Variants in BCAS1 observed in about 807,000 individuals in gnomAD.
BCAS1 encodes breast carcinoma-amplified sequence 1.
A neutral mutation model predicts 65.4 loss-of-function variants in BCAS1; 46 were observed. That is an observed-to-expected ratio of 0.70 (90% CI 0.55 to 0.90). The LOEUF is 0.90. BCAS1 is among the 40% of genes least tolerant of loss of function. The pLI, the probability that BCAS1 is intolerant of heterozygous loss-of-function variation, is 0.00. For missense variants in BCAS1, 793 were observed against 771.2 expected, an observed-to-expected ratio of 1.03 and a Z score of -0.33; for synonymous variants, 298 against 293.5, an observed-to-expected ratio of 1.02 and a Z score of -0.16.
At chr20:53,976,728 G>A (rs1042062842) in intron 8 of BCAS1, among the ~76,000 whole-genome samples, 1 of 152,150 alleles carries the variant, frequency 6.6e-6, no homozygotes, top group Non-Finnish European at 1.5e-5. Context: ...TTCGGCAATC[G>A]TGTGAATTCC....
chr20:53,957,307 T>C, intron 11 of BCAS1, 125 bp downstream of exon 11: 1 of 824,546 alleles, frequency 1.2e-6, no homozygotes, highest in Middle Eastern at 2.3e-4. Flanking sequence ...TGGCATATAG[T>C]AGGTGCTTAA....
intron 8 of BCAS1, among the ~76,000 whole-genome samples, chr20:53,980,065 G>C (rs974059957): frequency 1.3e-5 from 2 of 152,082 alleles, no homozygotes; most frequent in Non-Finnish European, 2.9e-5. Flanking sequence ...TGGTGTAGGG[G>C]ACAATGTGGG....
intron 8 of BCAS1, among the ~76,000 whole-genome samples, chr20:53,984,087 T>A (rs62207381): frequency 0.19 from 29,377 of 152,162 alleles, 3,544 homozygotes; most frequent in South Asian, 0.27. Context: ...CATACGTTAA[T>A]CTCAAATTTA....
intron 3 of BCAS1, among the ~76,000 whole-genome samples, chr20:54,054,177 T>A (rs1364129185): frequency 1.3e-5 from 2 of 152,154 alleles, no homozygotes; most frequent in Non-Finnish European, 2.9e-5. Context: ...AATTACCTCC[T>A]ACTGGGTCCC....
intron 3 of BCAS1, among the ~76,000 whole-genome samples, chr20:54,051,298 A>G (rs1247695269): frequency 1.3e-5 from 2 of 152,204 alleles, no homozygotes; most frequent in African/African-American, 4.8e-5. Context: ...TTTGCATGTG[A>G]ACAAAACAGG....
At chr20:54,024,168 T>C (rs2091621564) in intron 4 of BCAS1, among the ~76,000 whole-genome samples, 1 of 152,174 alleles carries the variant, frequency 6.6e-6, no homozygotes, top group African/African-American at 2.4e-5. Flanking sequence ...ACACAGCCAG[T>C]AGGTGACAGA....
At chr20:54,001,168 A>T (rs2091046395) in intron 4 of BCAS1, among the ~76,000 whole-genome samples, 1 of 152,214 alleles carries the variant, frequency 6.6e-6, no homozygotes, top group African/African-American at 2.4e-5. Context: ...TTTGTTCGTG[A>T]AACTGACTTT....
intron 8 of BCAS1, among the ~76,000 whole-genome samples, chr20:53,979,296 C>T (rs1309318931): frequency 1.3e-5 from 2 of 152,156 alleles, no homozygotes; most frequent in Admixed American, 1.3e-4. Flanking sequence ...CCAGAATCAG[C>T]AACCTCCAGG....
chr20:54,032,682 C>A (rs1485299930), intron 3 of BCAS1, among the ~76,000 whole-genome samples: 1 of 150,954 alleles, frequency 6.6e-6, no homozygotes, highest in African/African-American at 2.4e-5. Context: ...ATCCTAGTTG[C>A]CGTCAAAACA....
At chr20:54,053,581 C>T (rs1313405657) in intron 3 of BCAS1, among the ~76,000 whole-genome samples, 1 of 152,232 alleles carries the variant, frequency 6.6e-6, no homozygotes, top group Non-Finnish European at 1.5e-5. Context: ...ATAGCAATGG[C>T]AGTCTTTATG....
At chr20:54,027,965 C>G (rs1026223228) in intron 4 of BCAS1, among the ~76,000 whole-genome samples, 6 of 152,306 alleles carry the variant, frequency 3.9e-5, no homozygotes, top group African/African-American at 1.4e-4. Flanking sequence ...AGGCTATTAA[C>G]AGTAAGGGAC....
intron 5 of BCAS1, 84 bp downstream of exon 5, chr20:53,995,808 T>C: frequency 7.2e-7 from 1 of 1,391,390 alleles, no homozygotes; most frequent in Non-Finnish European, 9.7e-7. Flanking sequence ...TTTAGTACAA[T>C]AACATTCAAA....
At position 54,047,212 on chromosome 20, in the gene BCAS1, CT is replaced by C. The variant is rs375722173; in HGVS notation, c.142+10872del. 7.1e-3 allele frequency among the ~76,000 whole-genome samples: 1,076 copies of C among 152,262 alleles called. 8 individuals carry two copies. The highest frequency in any genetic ancestry group is 0.043 in the South Asian group (206 of 4,824). ...CAGGGTAGAACTTCTGATATTGTGT[CT>C]AGCCTTTCTCAGAGCTAGTGTTGCA... On this transcript the variant is annotated intron_variant, in intron 3 of 12. Coordinates refer to ENST00000688948, the MANE Select transcript of BCAS1 (RefSeq NM_001366298.2).
intron 4 of BCAS1, among the ~76,000 whole-genome samples, chr20:54,024,309 A>C (rs2091624157): frequency 6.6e-6 from 1 of 152,230 alleles, no homozygotes; most frequent in Non-Finnish European, 1.5e-5. Flanking sequence ...TAGAGACAGG[A>C]TGAACTTGTC....
chr20:53,973,206 G>A (rs935461930), intron 9 of BCAS1, among the ~76,000 whole-genome samples: 3 of 152,122 alleles, frequency 2.0e-5, no homozygotes, highest in African/African-American at 7.2e-5. Context: ...TCCAGCCTGG[G>A]TGAAAAGAGC....
At chr20:53,961,044 T>C (rs1568814314) in intron 10 of BCAS1, among the ~76,000 whole-genome samples, 1 of 152,236 alleles carries the variant, frequency 6.6e-6, no homozygotes, top group Non-Finnish European at 1.5e-5. Flanking sequence ...CCTGCAGTGT[T>C]GAGATGGAAT....
intron 3 of BCAS1, among the ~76,000 whole-genome samples, chr20:54,047,983 T>G (rs2092142104): frequency 6.6e-6 from 1 of 152,208 alleles, no homozygotes. Flanking sequence ...ATAGCTGAAG[T>G]GCAGTTACAT....
intron 4 of BCAS1, among the ~76,000 whole-genome samples, chr20:53,999,376 C>T (rs1471070534): frequency 2.0e-5 from 3 of 152,202 alleles, no homozygotes; most frequent in African/African-American, 7.2e-5. Context: ...AGGCAAATTA[C>T]AGATGAGAAA....
chr20:53,976,948 A>G (rs773328023), intron 8 of BCAS1, among the ~76,000 whole-genome samples: 1 of 152,228 alleles, frequency 6.6e-6, no homozygotes, highest in African/African-American at 2.4e-5. Context: ...TCCGTTTTAC[A>G]CTGCTATAAA....
Sources: gnomAD v4.1 joint callset for allele counts (sites outside exome capture counted in the v4.1 genomes callset) on GRCh38, gnomAD v4.1.1 for gene constraint, MANE v1.5 for transcripts, NCBI Gene and HGNC (gene_info 2026-07-23, HGNC 2026-07-21) for gene names.